Variants in NIPSNAP2 observed in about 807,000 individuals in gnomAD.
NIPSNAP2 encodes nipsnap homolog 2.
Under a neutral mutation model 48.4 loss-of-function variants are expected in NIPSNAP2, and 42 were observed. The ratio of observed to expected loss-of-function variants is 0.87; its 90% CI spans 0.68 to 1.12. The LOEUF (loss-of-function observed/expected upper bound fraction) is 1.12. Ranked by LOEUF, NIPSNAP2 falls within the 50% of genes most tolerant of loss-of-function variation. NIPSNAP2 has a pLI of 0.00. For synonymous variants in NIPSNAP2, 158 were observed against 126.6 expected (o/e 1.25, Z -1.67); for missense variants, 314 against 347.3 (o/e 0.90, Z 0.76).
chr7:55,998,039 G>T (rs944790941), intron 9 of NIPSNAP2, among the ~76,000 whole-genome samples: 2 of 152,106 alleles, frequency 1.3e-5, no homozygotes, highest in Non-Finnish European at 2.9e-5. Flanking sequence ...TATATTTCAG[G>T]CCGGGCGCAG....
chr7:55,978,060 T>C, intron 1 of NIPSNAP2, 66 bp from the exon 2 acceptor site: 1 of 1,571,404 alleles, frequency 6.4e-7, no homozygotes, highest in Non-Finnish European at 8.7e-7. Flanking sequence ...TCACTGTGTT[T>C]GCCAGATTAA....
chr7:55,988,864 C>CA (rs34603776), intron 7 of NIPSNAP2, among the ~76,000 whole-genome samples: 17 of 151,044 alleles, frequency 1.1e-4, no homozygotes, highest in South Asian at 6.3e-4. Flanking sequence ...GACTCCATCT[C>CA]AAAAAAAAGA....
chr7:55,989,389 C>T (rs1787397365), intron 7 of NIPSNAP2, among the ~76,000 whole-genome samples: 1 of 152,182 alleles, frequency 6.6e-6, no homozygotes, highest in South Asian at 2.1e-4. Flanking sequence ...CTTCGGGCGG[C>T]TGAGGTGGGA....
intron 1 of NIPSNAP2, among the ~76,000 whole-genome samples, chr7:55,975,132 C>T (rs1051445230): frequency 1.3e-5 from 2 of 151,518 alleles, no homozygotes; most frequent in Admixed American, 6.6e-5. Flanking sequence ...GCAGGAGGAT[C>T]GCTTGAGGCC....
At position 55,981,482 on chromosome 7, in the gene NIPSNAP2, G is replaced by A. The variant is rs764406725; in HGVS notation, c.288G>A (p.Val96=). ...LEAYNKICQE[V]LPKIHEDKHY... ...GTTTCTTCTCTTTAAGTCAAGAGGTGTTGCCAAAGATTCACGAAGATAAAC... is the reference window on the plus strand; with the variant it reads ...GTTTCTTCTCTTTAAGTCAAGAGGTATTGCCAAAGATTCACGAAGATAAAC... The change falls in exon 4 of 10, where the codon GTG becomes GTA. Residue 96 remains valine, a synonymous_variant. Transcript: ENST00000322090. 8.7e-6 allele frequency: 14 copies of A among 1,613,438 alleles called. No individual in the cohort carries two copies. The highest frequency in any genetic ancestry group is 1.1e-5 in the Non-Finnish European group (13 of 1,179,562).
chr7:55,988,635 G>A lies in NIPSNAP2; in HGVS notation c.617+3757G>A, dbSNP rs568762137. ...AGCACTTAACGAGGCTGAGGGCGCGGATCACCTGAGGTCAAGAATTCGAGA... is the reference window on the plus strand; with the variant it reads ...AGCACTTAACGAGGCTGAGGGCGCGAATCACCTGAGGTCAAGAATTCGAGA... On this transcript the variant is annotated intron_variant, in intron 7 of 9. Coordinates refer to ENST00000322090, the MANE Select transcript of NIPSNAP2 (RefSeq NM_001483.3). 1.1e-4 allele frequency among the ~76,000 whole-genome samples: 16 copies of A among 152,266 alleles called. No homozygotes were observed. In the South Asian group the frequency reaches 3.3e-3, roughly 32 times the overall value.
chr7:55,968,174 C>G (rs542547814), intron 1 of NIPSNAP2, among the ~76,000 whole-genome samples: 29 of 152,240 alleles, frequency 1.9e-4, no homozygotes, highest in African/African-American at 7.0e-4. Context: ...AATCCCTCCT[C>G]CCTGTCTGCC....
chr7:55,964,607 A>G lies in NIPSNAP2; in HGVS notation c.-3A>G. 6.8e-6 allele frequency: 7 copies of G among 1,028,172 alleles called. No homozygotes were observed. Among genetic ancestry groups the G allele is most frequent in the Non-Finnish European group, 8.1e-6 (7 of 859,208 alleles). The allele number at this position is 1,028,172 out of a possible 1,614,324, so 63.7% of individuals were successfully genotyped here. On this transcript the variant is annotated 5_prime_UTR_variant, in exon 1 of 10. Coordinates refer to ENST00000322090, the MANE Select transcript of NIPSNAP2 (RefSeq NM_001483.3). ...GGCGGTGGGAGCCGAGGCGCCGAGC[A>G]AGATGGCGGCGCGAGTGCTGCGCGC...
chr7:55,983,844 T>G lies in NIPSNAP2; in HGVS notation c.561T>G (p.Tyr187Ter). The G allele has an allele frequency of 6.2e-7, 1 of 1,614,038 alleles. No individual in the cohort carries two copies. The highest frequency in any genetic ancestry group is 1.1e-5 in the South Asian group (1 of 91,066). The change falls in exon 6 of 10, where the codon TAT becomes TAG. Residue 187 changes from tyrosine (Y) to a stop codon, truncating the protein, a stop_gained. Coordinates refer to ENST00000322090, the MANE Select transcript of NIPSNAP2 (RefSeq NM_001483.3). LOFTEE classifies it high-confidence loss of function. ...EPVPRSGPNI[Y>*]ELRSYQLRPG... ...TGCCAAGATCCGGACCTAATATATA[T>G]GAACTCAGGTCTTACCAACTCCGAG...
chr7:55,974,772 T>C (rs1226170591), intron 1 of NIPSNAP2, among the ~76,000 whole-genome samples: 3 of 147,370 alleles, frequency 2.0e-5, no homozygotes, highest in Admixed American at 7.1e-5. Context: ...GGCGTGAACC[T>C]GGGAGGCGGA....
At chr7:55,987,457 G>A (rs1450761529) in intron 7 of NIPSNAP2, among the ~76,000 whole-genome samples, 6 of 151,994 alleles carry the variant, frequency 3.9e-5, no homozygotes, top group Admixed American at 1.3e-4. Context: ...GCAAAACCCC[G>A]TCTCTACTAA....
intron 1 of NIPSNAP2, 27 bp downstream of exon 1, chr7:55,964,728 G>A: frequency 9.3e-7 from 1 of 1,080,884 alleles, no homozygotes. Context: ...TTCCCGGGAG[G>A]TGCCGGGGAG....
chr7:55,983,997 A>ATATATATGTC, intron 6 of NIPSNAP2, 129 bp downstream of exon 6: 1 of 675,846 alleles, frequency 1.5e-6, no homozygotes, highest in African/African-American at 1.8e-5. Context: ...ATATATATGT[A>ATATATATGTC]TTTTTTTAAG....
intron 7 of NIPSNAP2, 73 bp downstream of exon 7, chr7:55,984,951 G>A: frequency 8.1e-7 from 1 of 1,235,222 alleles, no homozygotes; most frequent in South Asian, 1.3e-5. Flanking sequence ...GTTAATTCTA[G>A]GGAAAAAAAT....
intron 7 of NIPSNAP2, among the ~76,000 whole-genome samples, chr7:55,988,663 G>A (rs1186322017): frequency 2.0e-5 from 3 of 152,084 alleles, no homozygotes; most frequent in Non-Finnish European, 2.9e-5. Context: ...ATTCGAGACC[G>A]ACCTGGCCAA....
intron 3 of NIPSNAP2, 111 bp from the exon 4 acceptor site, chr7:55,981,362 A>G (rs1361978007): frequency 2.8e-6 from 2 of 718,310 alleles, no homozygotes; most frequent in African/African-American, 3.5e-5. Flanking sequence ...TTCTAAGGTC[A>G]GTTGTTAGAA....
chr7:55,984,955 A>C, intron 7 of NIPSNAP2, 77 bp downstream of exon 7: 1 of 1,153,708 alleles, frequency 8.7e-7, no homozygotes, highest in Admixed American at 2.1e-5. Flanking sequence ...ATTCTAGGGA[A>C]AAAAATCTGA....
chr7:55,999,488 G>A lies in NIPSNAP2; in HGVS notation c.*416G>A, dbSNP rs924338613. ...TTTTTAGACAAATTTCTTGTATCAG[G>A]AAGAAATACAAATTTTGTCATGTTT... On this transcript the variant is annotated 3_prime_UTR_variant, in exon 10 of 10. Transcript: ENST00000322090. 2 of 156,804 alleles carry A rather than the reference G, an allele frequency of 1.3e-5. No homozygotes were observed. The highest frequency in any genetic ancestry group is 2.8e-5 in the Non-Finnish European group (2 of 71,082). 9.7% of individuals were successfully genotyped at this position (156,804 alleles called of 1,614,324 possible).
chr7:55,969,811 G>A (rs1786978673), intron 1 of NIPSNAP2, among the ~76,000 whole-genome samples: 2 of 151,852 alleles, frequency 1.3e-5, no homozygotes, highest in African/African-American at 2.4e-5. Flanking sequence ...GTGAAACCCT[G>A]TCTCTACTAA....
Sources: allele counts gnomAD v4.1 joint callset (sites outside exome capture counted in the v4.1 genomes callset), GRCh38; gene constraint gnomAD v4.1.1; transcripts MANE v1.5; gene names NCBI Gene and HGNC (gene_info 2026-07-23, HGNC 2026-07-21).